The following NAXD variants were observed in gnomAD, a reference collection of about 807,000 sequenced individuals.
NAXD encodes the protein ATP-dependent (S)-NAD(P)H-hydrate dehydratase.
NAXD carries 22 observed loss-of-function variants against 35.8 expected under a neutral mutation model. The observed-to-expected ratio is 0.62, with a 90% CI of 0.44 to 0.88. The LOEUF is 0.88. NAXD is among the 40% of genes least tolerant of loss of function. NAXD has a pLI of 0.00. For missense variants in NAXD, 428 were observed against 437.7 expected (o/e 0.98, Z 0.20); for synonymous variants, 189 against 177.6 (o/e 1.06, Z -0.51).
chr13:110,624,026 T>G (rs978664463), intron 2 of NAXD, among the ~76,000 whole-genome samples: 1 of 152,022 alleles, frequency 6.6e-6, no homozygotes, highest in Admixed American at 6.6e-5. Flanking sequence ...AAAAAGACAT[T>G]TCTAGTCGAA....
At position 110,631,052 on chromosome 13, in the gene NAXD, T is replaced by C. The variant is rs954093439; in HGVS notation, c.442-3493T>C. Among the ~76,000 whole-genome samples the C allele has an allele frequency of 7.2e-5, 11 of 152,176 alleles. No individual in the cohort carries two copies. The East Asian group carries it at 2.1e-3, about 29-fold the overall frequency. ...TAGGCAGCCGCAACTTTGGTAGGGA[T>C]GATGTTGAAACTGAAGATCAGTTGG... On this transcript the variant is annotated intron_variant, in intron 5 of 9. Transcript: ENST00000680254.
At chr13:110,637,274 T>G in intron 9 of NAXD, 25 bp downstream of exon 9, 1 of 1,613,528 alleles carries the variant, frequency 6.2e-7, no homozygotes, top group Non-Finnish European at 8.5e-7. Context: ...TCATTTATTC[T>G]ACTTTGAAAC....
rs144676556 is a variant in NAXD, at chr13:110,634,791, C to A, written c.597+15C>A. ...ATGACGCTGTGGTGAGTCAGTGGAC[C>A]CCCTGGAGGGTAGATGCAAGCCCTG... On this transcript the variant is annotated intron_variant, in intron 7 of 9. Coordinates refer to ENST00000680254, the MANE Select transcript of NAXD (RefSeq NM_001242882.2). The A allele has an allele frequency of 2.7e-4, 438 of 1,593,184 alleles. No individual in the cohort carries two copies. The African/African-American group carries it at 4.6e-3, about 17-fold the overall frequency.
rs1224851347 is a variant in NAXD, at chr13:110,625,286, G to A, written c.332+8G>A. The A allele has an allele frequency of 3.8e-6, 6 of 1,598,510 alleles. No homozygotes were observed. The highest frequency in any genetic ancestry group is 1.3e-5 in the African/African-American group (1 of 74,732). On this transcript the variant is annotated splice_region_variant and intron_variant, in intron 4 of 9. Transcript: ENST00000680254. ...GATCGTCCACCCAGTTCTGTGAGTC[G>A]CTCTGCGCCGGCTTCTCGTAGGTTC... is the stretch of plus-strand genomic sequence containing the variant.
intron 5 of NAXD, among the ~76,000 whole-genome samples, chr13:110,631,926 A>G (rs1453310351): frequency 6.6e-6 from 1 of 152,206 alleles, no homozygotes; most frequent in East Asian, 1.9e-4. Context: ...CGAGCAGCTA[A>G]TGCTTTGTCA....
chr13:110,615,952 G>C (rs1828799608), intron 1 of NAXD: 2 of 462,674 alleles, frequency 4.3e-6, no homozygotes, highest in Non-Finnish European at 3.5e-6. Context: ...GCCTCCGTGC[G>C]GGGTGACAGA....
chr13:110,621,152 G>A (rs930846842), intron 1 of NAXD, among the ~76,000 whole-genome samples: 1 of 152,172 alleles, frequency 6.6e-6, no homozygotes, highest in South Asian at 2.1e-4. Context: ...TTAATACCCA[G>A]TTGAGTGTTG....
intron 1 of NAXD, among the ~76,000 whole-genome samples, chr13:110,621,214 G>T (rs576672196): frequency 2.3e-4 from 35 of 152,350 alleles, no homozygotes; most frequent in African/African-American, 8.4e-4. Flanking sequence ...GAGCACCCCA[G>T]CGGATTACAG....
Position 110,625,253 on chromosome 13 carries a change from C to T in NAXD, c.307C>T (p.Pro103Ser), listed in dbSNP as rs149988657. ...AAAPVIKAYSPELIVHPVLDS... is the reference protein window; with the variant it reads ...AAAPVIKAYSSELIVHPVLDS... ...CGCACCTGTGATTAAGGCCTACAGC[C>T]CGGAGCTGATCGTCCACCCAGTTCT... The change falls in exon 4 of 10, where the codon CCG (proline) becomes TCG (serine). Residue 103 changes from proline (P) to serine (S), a missense_variant. By Grantham distance (74) the Pro-to-Ser change is moderately conservative. Coordinates refer to ENST00000680254, the MANE Select transcript of NAXD (RefSeq NM_001242882.2). 6.2e-6 allele frequency: 10 copies of T among 1,613,414 alleles called. No individual in the cohort carries two copies. The highest frequency in any genetic ancestry group is 8.5e-6 in the Non-Finnish European group (10 of 1,179,542).
At chr13:110,626,908 G>A (rs1886506801) in intron 4 of NAXD, among the ~76,000 whole-genome samples, 1 of 152,234 alleles carries the variant, frequency 6.6e-6, no homozygotes. Flanking sequence ...TGTGGGGCCT[G>A]GTCTATAAGC....
intron 5 of NAXD, among the ~76,000 whole-genome samples, chr13:110,631,395 T>C (rs1304855655): frequency 1.3e-5 from 2 of 152,232 alleles, no homozygotes; most frequent in East Asian, 1.9e-4. Flanking sequence ...TGAAGTTCCA[T>C]TGCTGAATCA....
chr13:110,630,396 CT>C (rs919683974), intron 5 of NAXD, among the ~76,000 whole-genome samples: 4 of 151,818 alleles, frequency 2.6e-5, no homozygotes, highest in African/African-American at 4.8e-5. Flanking sequence ...TGTTTTTTGC[CT>C]TTTTTTTATT....
At position 110,627,552 on chromosome 13, in the gene NAXD, T is replaced by C. The variant is rs371103258; in HGVS notation, c.441+5T>C. On this transcript the variant is annotated splice_donor_5th_base_variant and intron_variant, in intron 5 of 9. Coordinates refer to ENST00000680254, the MANE Select transcript of NAXD (RefSeq NM_001242882.2). The stretch of plus-strand genomic sequence containing the variant: ...GCGCTTCTCAGAAATGTCCAGGTAA[T>C]GTGTATACTCACTCACTTCCCTCAT... The C allele has an allele frequency of 6.3e-6, 10 of 1,591,422 alleles. No homozygotes were observed. Among genetic ancestry groups the C allele is most frequent in the Middle Eastern group, 1.7e-4 (1 of 6,036 alleles).
At chr13:110,627,397 G>A (rs752765730) in intron 4 of NAXD, 42 bp from the exon 5 acceptor site, 1 of 1,278,570 alleles carries the variant, frequency 7.8e-7, no homozygotes, top group South Asian at 1.2e-5. Context: ...AAGTAAATGA[G>A]GAATTGTGGG....
intron 1 of NAXD, among the ~76,000 whole-genome samples, chr13:110,621,634 T>C (rs1886267706): frequency 6.6e-6 from 1 of 152,120 alleles, no homozygotes; most frequent in African/African-American, 2.4e-5. Context: ...AGGTGGAGGT[T>C]GCAGTGAGCA....
At chr13:110,636,406 C>T (rs1480971734) in intron 8 of NAXD, among the ~76,000 whole-genome samples, 5 of 152,200 alleles carry the variant, frequency 3.3e-5, no homozygotes, top group African/African-American at 4.8e-5. Context: ...GTGCTCACAG[C>T]CTCGCACGCC....
At chr13:110,634,806 T>A (rs1886859954) in intron 7 of NAXD, 30 bp downstream of exon 7, 12 of 1,540,838 alleles carry the variant, frequency 7.8e-6, no homozygotes, top group Non-Finnish European at 9.9e-6. Context: ...GGAGGGTAGA[T>A]GCAAGCCCTG....
chr13:110,615,592 A>G lies in NAXD; in HGVS notation c.-10A>G. ...GCGCGGGGGCAGCTGGGAATCCGGA[A>G]TGCTGCCCGATGGCCCTGGGTCCTC... On this transcript the variant is annotated 5_prime_UTR_variant, in exon 1 of 10. The change abolishes an upstream ATG in the 5' untranslated region. Coordinates refer to ENST00000680254, the MANE Select transcript of NAXD (RefSeq NM_001242882.2). 4.3e-6 allele frequency: 6 copies of G among 1,382,058 alleles called. No individual in the cohort carries two copies. Among genetic ancestry groups the G allele is most frequent in the Non-Finnish European group, 5.6e-6 (6 of 1,068,436 alleles). The allele number at this position is 1,382,058 out of a possible 1,614,324, so 85.6% of individuals were successfully genotyped here. A position where few individuals can be genotyped will look rare whatever the true frequency, so the allele number is the denominator to read the frequency against.
intron 4 of NAXD, 83 bp from the exon 5 acceptor site, chr13:110,627,356 C>T: frequency 1.2e-6 from 1 of 848,612 alleles, no homozygotes; most frequent in South Asian, 1.7e-5. Context: ...GTTATTTTTT[C>T]AAAATAAAAT....
Sources: allele counts gnomAD v4.1 joint callset (sites outside exome capture counted in the v4.1 genomes callset), GRCh38; gene constraint gnomAD v4.1.1; transcripts MANE v1.5; gene names NCBI Gene and HGNC (gene_info 2026-07-23, HGNC 2026-07-21).